Variants in AFG2A observed in about 807,000 individuals in gnomAD.
AFG2A encodes ATPase family gene 2 protein homolog A.
chr4:123,139,319 A>T, the AFG2A span, among the ~76,000 whole-genome samples: 2 of 152,132 alleles, frequency 1.3e-5, no homozygotes, highest in African/African-American at 4.8e-5. Context: ...ACCAGTAGGG[A>T]AATAATTCTA....
chr4:123,301,159 G>A, the AFG2A span, among the ~76,000 whole-genome samples: 49 of 152,194 alleles, frequency 3.2e-4, 1 homozygote, highest in Non-Finnish European at 2.9e-5. Flanking sequence ...TATATAATAT[G>A]TATACATGGG....
At chr4:123,096,541 G>T in the AFG2A span, among the ~76,000 whole-genome samples, 2 of 151,776 alleles carry the variant, frequency 1.3e-5, no homozygotes, top group African/African-American at 4.8e-5. Context: ...TTCTTTCTCG[G>T]GTGATAAGCA....
At chr4:122,998,484 C>A in the AFG2A span, among the ~76,000 whole-genome samples, 1 of 151,646 alleles carries the variant, frequency 6.6e-6, no homozygotes, top group East Asian at 1.9e-4. Context: ...ACAACAGTCC[C>A]CAGAGTGTGA....
the AFG2A span, chr4:122,934,690 G>GAAAT: frequency 6.2e-7 from 1 of 1,600,698 alleles, no homozygotes; most frequent in Non-Finnish European, 8.5e-7. Flanking sequence ...AGCAATTAGA[G>GAAAT]AAATAATTGA....
chr4:123,214,989 G>A, the AFG2A span, among the ~76,000 whole-genome samples: 7 of 151,930 alleles, frequency 4.6e-5, no homozygotes, highest in African/African-American at 1.4e-4. Flanking sequence ...TGTGTGTAGG[G>A]TTTGGCACCT....
the AFG2A span, among the ~76,000 whole-genome samples, chr4:123,278,981 G>A: frequency 6.6e-6 from 1 of 152,118 alleles, no homozygotes; most frequent in East Asian, 1.9e-4. Flanking sequence ...ACCTTAATCT[G>A]TATATTTCTA....
the AFG2A span, among the ~76,000 whole-genome samples, chr4:123,005,082 G>C: frequency 1.3e-5 from 2 of 152,054 alleles, no homozygotes; most frequent in African/African-American, 4.8e-5. Flanking sequence ...TATTGGTAAT[G>C]TGTGTTTACT....
At chr4:123,205,626 A>G in the AFG2A span, among the ~76,000 whole-genome samples, 1 of 152,110 alleles carries the variant, frequency 6.6e-6, no homozygotes, top group Non-Finnish European at 1.5e-5. Context: ...AAATAACTAC[A>G]CCATTTTATA....
At chr4:123,243,788 G>A in the AFG2A span, among the ~76,000 whole-genome samples, 1 of 122,264 alleles carries the variant, frequency 8.2e-6, no homozygotes, top group Admixed American at 9.0e-5. Flanking sequence ...TGTAATCTGA[G>A]CAGGAGGATC....
chr4:123,078,333 C>A, the AFG2A span, among the ~76,000 whole-genome samples: 1 of 152,144 alleles, frequency 6.6e-6, no homozygotes, highest in Non-Finnish European at 1.5e-5. Flanking sequence ...CATAGTTCAA[C>A]CTTAATGAAC....
chr4:123,293,154 C>T, the AFG2A span, among the ~76,000 whole-genome samples: 2 of 152,174 alleles, frequency 1.3e-5, no homozygotes, highest in African/African-American at 4.8e-5. Flanking sequence ...CCCCAAAGTG[C>T]TCCAGAAAGG....
chr4:123,112,937 A>G, the AFG2A span, among the ~76,000 whole-genome samples: 99 of 152,348 alleles, frequency 6.5e-4, 1 homozygote, highest in African/African-American at 2.3e-3. Context: ...TATACTTAAG[A>G]TGACCATTAG....
the AFG2A span, among the ~76,000 whole-genome samples, chr4:123,060,922 A>T: frequency 6.6e-6 from 1 of 152,112 alleles, no homozygotes; most frequent in African/African-American, 2.4e-5. Flanking sequence ...AGATATCCCA[A>T]ATAATCTCTC....
the AFG2A span, among the ~76,000 whole-genome samples, chr4:123,115,666 G>A: frequency 6.6e-6 from 1 of 152,148 alleles, no homozygotes; most frequent in South Asian, 2.1e-4. Flanking sequence ...CCCAGGTACC[G>A]TTCGCCTTGG....
chr4:123,243,346 C>G, the AFG2A span, among the ~76,000 whole-genome samples: 2 of 152,190 alleles, frequency 1.3e-5, no homozygotes, highest in East Asian at 3.9e-4. Flanking sequence ...TGGAACCAAC[C>G]CAAATTTCCA....
chr4:122,960,925 T>A, the AFG2A span, among the ~76,000 whole-genome samples: 2 of 152,246 alleles, frequency 1.3e-5, no homozygotes, highest in African/African-American at 4.8e-5. Context: ...CGTTGTTTTC[T>A]AAGTTAGAAT....
the AFG2A span, among the ~76,000 whole-genome samples, chr4:123,136,354 A>G: frequency 6.6e-6 from 1 of 151,532 alleles, no homozygotes; most frequent in Non-Finnish European, 1.5e-5. Context: ...ACCAACATGG[A>G]GAAACCCGGT....
the AFG2A span, among the ~76,000 whole-genome samples, chr4:123,102,839 G>GTGTGTGT: frequency 2.2e-4 from 18 of 83,408 alleles, no homozygotes; most frequent in Non-Finnish European, 3.7e-4. Context: ...TGTGTGTGTG[G>GTGTGTGT]TGTCAAAAAA....
the AFG2A span, among the ~76,000 whole-genome samples, chr4:123,133,506 G>GTGTT: frequency 6.6e-6 from 1 of 151,826 alleles, no homozygotes; most frequent in African/African-American, 2.4e-5. Context: ...GTGTGTGTGT[G>GTGTT]TGTGGCCTCC....
Sources: gnomAD v4.1 joint callset for allele counts (sites outside exome capture counted in the v4.1 genomes callset) on GRCh38, gnomAD v4.1.1 for gene constraint, MANE v1.5 for transcripts, NCBI Gene and HGNC (gene_info 2026-07-23, HGNC 2026-07-21) for gene names.